SRBD1: variants seen among roughly 807,000 people sequenced by gnomAD.
The protein encoded by SRBD1 is S1 RNA-binding domain-containing protein 1.
A neutral mutation model predicts 115.3 loss-of-function variants in SRBD1; 88 were observed. The ratio of observed to expected loss-of-function variants is 0.76; its 90% CI spans 0.64 to 0.91. The LOEUF (loss-of-function observed/expected upper bound fraction) is 0.91. SRBD1 is among the 40% of genes least tolerant of loss of function. SRBD1 has a pLI of 0.00. For missense variants in SRBD1, 1,385 were observed against 1,177.4 expected, an observed-to-expected ratio of 1.18 and a Z score of -2.58; for synonymous variants, 509 against 407.7, an observed-to-expected ratio of 1.25 and a Z score of -2.99.
intron 16 of SRBD1, among the ~76,000 whole-genome samples, chr2:45,445,550 T>TAAAAAAAAAAAAAAAAAA (rs59451865): frequency 8.1e-5 from 3 of 37,026 alleles, no homozygotes; most frequent in African/African-American, 2.2e-4. Context: ...TTCCCAGAGG[T>TAAAAAAAAAAAAAAAAAA]AAAAAAAAAA....
In SRBD1 at chr2:45,406,472, T is replaced by A. The variant is rs1035437696; in HGVS notation, c.2513+6642A>T. 2.6e-5 allele frequency among the ~76,000 whole-genome samples: 4 copies of A among 152,180 alleles called. No homozygotes were observed. The South Asian group carries it at 8.3e-4, about 32-fold the overall frequency. On this transcript the variant is annotated intron_variant, in intron 19 of 20. Coordinates refer to ENST00000263736, the MANE Select transcript of SRBD1 (RefSeq NM_018079.5). ...TACTCTAAATCCCATGTTCCCCTTA[T>A]ATATTCTATAACATGGGTTCTCTTG...
At chr2:45,403,649 G>C (rs1667349579) in intron 19 of SRBD1, among the ~76,000 whole-genome samples, 1 of 152,086 alleles carries the variant, frequency 6.6e-6, no homozygotes, top group Admixed American at 6.6e-5. Flanking sequence ...TTATTTTGCA[G>C]AGACAAGGAC....
chr2:45,554,465 G>C (rs1672409341), intron 10 of SRBD1, among the ~76,000 whole-genome samples: 1 of 152,108 alleles, frequency 6.6e-6, no homozygotes, highest in Non-Finnish European at 1.5e-5. Context: ...AGTAGACTGA[G>C]CAAAGCAGAA....
intron 18 of SRBD1, among the ~76,000 whole-genome samples, chr2:45,414,787 T>TAGTGTGTATATAGTATGTACACAC (rs1667746295): frequency 1.6e-4 from 10 of 63,962 alleles, no homozygotes; most frequent in Admixed American, 1.2e-3. Context: ...CACACACACA[T>TAGTGTGTATATAGTATGTACACAC]AGTGTGTATA....
intron 14 of SRBD1, among the ~76,000 whole-genome samples, chr2:45,506,232 G>A (rs963103392): frequency 1.3e-5 from 2 of 152,024 alleles, no homozygotes; most frequent in Non-Finnish European, 1.5e-5. Flanking sequence ...ATCCATCCAT[G>A]GAAAAAGCAA....
chr2:45,540,406 T>C (rs931080478), intron 14 of SRBD1, among the ~76,000 whole-genome samples: 1 of 150,640 alleles, frequency 6.6e-6, no homozygotes, highest in Admixed American at 6.6e-5. Context: ...ACAGACTTAA[T>C]GAGTTAAAAC....
chr2:45,608,661 C>T (rs2104273670), intron 1 of SRBD1, among the ~76,000 whole-genome samples: 1 of 152,238 alleles, frequency 6.6e-6, no homozygotes, highest in South Asian at 2.1e-4. Context: ...AATAAACTGC[C>T]TGTCTCTGAA....
chr2:45,550,447 C>A (rs1672260185), intron 12 of SRBD1, among the ~76,000 whole-genome samples: 1 of 140,010 alleles, frequency 7.1e-6, no homozygotes, highest in Admixed American at 7.2e-5. Flanking sequence ...GGAACAATAA[C>A]AAATAACCAC....
At chr2:45,500,305 G>A (rs1670590376) in intron 14 of SRBD1, among the ~76,000 whole-genome samples, 1 of 151,626 alleles carries the variant, frequency 6.6e-6, no homozygotes. Context: ...GTGTGTATGT[G>A]TGTGTTTGGT....
chr2:45,541,246 G>A (rs1303946004), intron 14 of SRBD1, among the ~76,000 whole-genome samples: 4 of 152,232 alleles, frequency 2.6e-5, no homozygotes, highest in Non-Finnish European at 5.9e-5. Context: ...TCTGGACGAG[G>A]GGAACACAGT....
At chr2:45,578,316 A>G (rs1179627257) in intron 7 of SRBD1, among the ~76,000 whole-genome samples, 2 of 152,226 alleles carry the variant, frequency 1.3e-5, no homozygotes, top group Admixed American at 6.5e-5. Flanking sequence ...GCTATTATTA[A>G]AATATTAAGT....
chr2:45,580,820 G>A (rs1438236939), intron 6 of SRBD1, among the ~76,000 whole-genome samples: 1 of 150,942 alleles, frequency 6.6e-6, no homozygotes, highest in Non-Finnish European at 1.5e-5. Flanking sequence ...GAGTAGCTGG[G>A]ATTACAGGCA....
In SRBD1 at chr2:45,601,963, C is replaced by T. The variant is rs777239473; in HGVS notation, c.201G>A (p.Val67=). 1.9e-6 allele frequency: 3 copies of T among 1,614,250 alleles called. No individual in the cohort carries two copies. Among genetic ancestry groups the T allele is most frequent in the Non-Finnish European group, 1.7e-6 (2 of 1,180,040 alleles). ...CACTGATCTGTGGGGCATTCTTCTT[C>T]ACCCGAGGCATCCTCTTTGGTTTGG... ...KESKPKRMPR[V]KKNAPQISDG... Residue 67 remains valine, a synonymous_variant, in exon 3 of 21, where the codon GTG becomes GTA. Transcript: ENST00000263736.
At chr2:45,404,814 C>G (rs1277736243) in intron 19 of SRBD1, among the ~76,000 whole-genome samples, 1 of 152,068 alleles carries the variant, frequency 6.6e-6, no homozygotes, top group Non-Finnish European at 1.5e-5. Flanking sequence ...CCTTTTGACT[C>G]AATCTCCTAT....
At chr2:45,449,095 C>A (rs1457907932) in intron 16 of SRBD1, among the ~76,000 whole-genome samples, 1 of 152,174 alleles carries the variant, frequency 6.6e-6, no homozygotes, top group African/African-American at 2.4e-5. Flanking sequence ...ATTATATGAA[C>A]AAATTTTAAT....
intron 11 of SRBD1, 59 bp downstream of exon 11, chr2:45,553,564 G>T (rs1288743076): frequency 8.5e-6 from 9 of 1,064,786 alleles, no homozygotes; most frequent in South Asian, 8.0e-5. Context: ...ACACTGTAAT[G>T]GTACTAGTAT....
At chr2:45,412,008 G>A (rs1005546559) in intron 19 of SRBD1, among the ~76,000 whole-genome samples, 3 of 152,074 alleles carry the variant, frequency 2.0e-5, no homozygotes, top group Non-Finnish European at 4.4e-5. Flanking sequence ...AGCTACTTAG[G>A]AGGTTGACGC....
intron 9 of SRBD1, among the ~76,000 whole-genome samples, chr2:45,568,971 A>G (rs545900856): frequency 2.6e-5 from 4 of 152,360 alleles, no homozygotes; most frequent in Admixed American, 1.3e-4. Flanking sequence ...AATATAGTGT[A>G]CACAAAAGTA....
rs758309088 is a variant in SRBD1 at position 45,573,261 on chromosome 2, C to T, written c.1251G>A (p.Lys417=). The change falls in exon 9 of 21, where the codon AAG becomes AAA. Residue 417 remains lysine, a synonymous_variant. Coordinates refer to ENST00000263736, the MANE Select transcript of SRBD1 (RefSeq NM_018079.5). ...SKKVNEKDVD[K]FLLYQHFSCN... ...AGGAAAAATGCTGGTAGAGCAGAAACTTATCAACATCTTTCTCATTTACCT... is the reference window on the plus strand; with the variant it reads ...AGGAAAAATGCTGGTAGAGCAGAAATTTATCAACATCTTTCTCATTTACCT... 4 of 1,612,322 alleles carry T rather than the reference C, an allele frequency of 2.5e-6. No individual in the cohort carries two copies.
Sources: gnomAD v4.1 joint callset for allele counts (sites outside exome capture counted in the v4.1 genomes callset) on GRCh38, gnomAD v4.1.1 for gene constraint, MANE v1.5 for transcripts, NCBI Gene and HGNC (gene_info 2026-07-23, HGNC 2026-07-21) for gene names.